The following PPP1R9A variants were observed in gnomAD, a reference collection of about 807,000 sequenced individuals.
PPP1R9A encodes the protein protein phosphatase 1 regulatory subunit 9A.
PPP1R9A carries 59 observed loss-of-function variants against 141.9 expected under a neutral mutation model. That is an observed-to-expected ratio of 0.42 (90% confidence interval 0.34 to 0.52). The LOEUF is 0.52. PPP1R9A is among the 20% of genes least tolerant of loss of function. The pLI, the probability that PPP1R9A is intolerant of heterozygous loss-of-function variation, is 0.10. For synonymous variants in PPP1R9A, 500 were observed against 569.7 expected (o/e 0.88, Z 1.74); for missense variants, 1,444 against 1,611.9 (o/e 0.90, Z 1.78).
intron 16 of PPP1R9A, among the ~76,000 whole-genome samples, chr7:95,276,265 A>G (rs976800125): frequency 3.3e-5 from 5 of 152,148 alleles, no homozygotes; most frequent in African/African-American, 1.2e-4. Context: ...AGGGTGTTTG[A>G]TGGAATTTTG....
intron 2 of PPP1R9A, among the ~76,000 whole-genome samples, chr7:95,061,125 T>C (rs1812171824): frequency 6.6e-6 from 1 of 152,116 alleles, no homozygotes; most frequent in Non-Finnish European, 1.5e-5. Context: ...TTTAAGAAAA[T>C]CATTTGTGTT....
chr7:94,910,395 A>T lies in PPP1R9A; in HGVS notation c.282A>T (p.Ser94=), dbSNP rs1270682151. Residue 94 remains serine (S), a synonymous_variant, in exon 2 of 20, where the codon TCA becomes TCT. Coordinates refer to ENST00000433360, the MANE Select transcript of PPP1R9A (RefSeq NM_001166160.2). This position sits in a 1 kb window ranked among gnomAD's most constrained non-coding sequence, Gnocchi z 4.5. ...IAKTRGKGGH[S]SPQRRMKPKE... The stretch of plus-strand genomic sequence containing the variant: ...AAACAAGGGGGAAAGGTGGACATTC[A>T]TCTCCTCAGAGAAGAATGAAGCCCA... 5.6e-6 allele frequency: 9 copies of T among 1,614,044 alleles called. No individual in the cohort carries two copies. The highest frequency in any genetic ancestry group is 7.6e-6 in the Non-Finnish European group (9 of 1,180,046).
At chr7:95,184,295 T>G (rs1053919658) in intron 5 of PPP1R9A, among the ~76,000 whole-genome samples, 2 of 152,200 alleles carry the variant, frequency 1.3e-5, no homozygotes, top group African/African-American at 4.8e-5. Flanking sequence ...ACGAGGGTAT[T>G]CCAATATTCA....
chr7:95,009,549 G>A (rs1804117205), intron 2 of PPP1R9A, among the ~76,000 whole-genome samples: 2 of 152,098 alleles, frequency 1.3e-5, no homozygotes, highest in Admixed American at 1.3e-4. Context: ...GTAATGAAAT[G>A]TAGAGGTCAG....
At chr7:95,094,002 C>A (rs1817685867) in intron 2 of PPP1R9A, among the ~76,000 whole-genome samples, 1 of 152,196 alleles carries the variant, frequency 6.6e-6, no homozygotes, top group Non-Finnish European at 1.5e-5. Flanking sequence ...GACTCTGCCT[C>A]ACTCCAAAGC....
intron 5 of PPP1R9A, among the ~76,000 whole-genome samples, chr7:95,192,139 A>T (rs1451142334): frequency 1.3e-5 from 2 of 151,982 alleles, no homozygotes; most frequent in Non-Finnish European, 2.9e-5. Flanking sequence ...CCTATGGTTG[A>T]CTCATAAAAA....
intron 2 of PPP1R9A, among the ~76,000 whole-genome samples, chr7:94,931,258 A>G (rs1011253870): frequency 1.6e-4 from 25 of 152,278 alleles, no homozygotes; most frequent in African/African-American, 5.8e-4. Context: ...ACGGCAGGTG[A>G]ACTTCAGATA....
chr7:94,943,977 A>C (rs935147119), intron 2 of PPP1R9A, among the ~76,000 whole-genome samples: 19 of 152,106 alleles, frequency 1.2e-4, no homozygotes, highest in Non-Finnish European at 2.9e-5. Flanking sequence ...ACCTCATGCT[A>C]TCTGTGTGAG....
chr7:94,943,424 G>A (rs1795552280), intron 2 of PPP1R9A, among the ~76,000 whole-genome samples: 1 of 152,162 alleles, frequency 6.6e-6, no homozygotes, highest in Non-Finnish European at 1.5e-5. Flanking sequence ...TGCCATTTAA[G>A]CTCTGTAGAA....
intron 2 of PPP1R9A, among the ~76,000 whole-genome samples, chr7:95,044,181 C>T (rs997755431): frequency 2.0e-5 from 3 of 152,178 alleles, no homozygotes; most frequent in South Asian, 4.1e-4. Context: ...AGTGGCTGTT[C>T]TAACTGCTCC....
At chr7:94,953,146 G>T (rs191274040) in intron 2 of PPP1R9A, among the ~76,000 whole-genome samples, 19 of 152,266 alleles carry the variant, frequency 1.2e-4, no homozygotes, top group African/African-American at 4.1e-4. Flanking sequence ...ATGGTGTAAG[G>T]AAGGGGTTCA....
intron 2 of PPP1R9A, among the ~76,000 whole-genome samples, chr7:94,947,932 T>G (rs1364022882): frequency 1.3e-5 from 2 of 152,184 alleles, no homozygotes; most frequent in African/African-American, 4.8e-5. Context: ...TCCTTTTGGC[T>G]GGGGTTTGGG....
In PPP1R9A at chr7:94,988,854, A is replaced by AT. The variant is rs544581059; in HGVS notation, c.1395+77356dup. 2.7e-3 allele frequency among the ~76,000 whole-genome samples: 402 copies of AT among 149,502 alleles called. 1 individual carries two copies. The highest frequency in any genetic ancestry group is 9.2e-3 in the African/African-American group (377 of 40,788). On this transcript the variant is annotated intron_variant, in intron 2 of 19. Coordinates refer to ENST00000433360, the MANE Select transcript of PPP1R9A (RefSeq NM_001166160.2). ...GCCTCCCACCCCATAATTTAGCCTG[A>AT]TTTTTTTTTTCAGTCCTTAGCTGTT...
chr7:95,049,453 G>C lies in PPP1R9A; in HGVS notation c.1396-61806G>C, dbSNP rs577166996. ...AAAGAGAGGCTCCATACATACCCTG[G>C]CTCCTTCCCAGCCTCTCCTACTGTT... On this transcript the variant is annotated intron_variant, in intron 2 of 19. Transcript: ENST00000433360. 3.8e-4 allele frequency among the ~76,000 whole-genome samples: 58 copies of C among 152,208 alleles called. 1 individual carries two copies. The highest frequency in any genetic ancestry group is 1.3e-3 in the African/African-American group (55 of 41,542).
chr7:95,263,685 C>T (rs923724344), intron 12 of PPP1R9A, among the ~76,000 whole-genome samples: 1 of 152,186 alleles, frequency 6.6e-6, no homozygotes, highest in South Asian at 2.1e-4. Flanking sequence ...GCTGAGATTA[C>T]AGGCATGGCA....
intron 2 of PPP1R9A, among the ~76,000 whole-genome samples, chr7:95,007,006 G>A (rs1803710407): frequency 6.6e-6 from 1 of 152,088 alleles, no homozygotes; most frequent in African/African-American, 2.4e-5. Context: ...AGGACTACAG[G>A]AGCACGCCAC....
chr7:95,106,637 A>G (rs1819552139), intron 2 of PPP1R9A, among the ~76,000 whole-genome samples: 1 of 152,208 alleles, frequency 6.6e-6, no homozygotes, highest in Non-Finnish European at 1.5e-5. Context: ...TTCTTTTGAA[A>G]TACATCTTTG....
At chr7:94,969,826 C>A (rs1418389766) in intron 2 of PPP1R9A, among the ~76,000 whole-genome samples, 3 of 152,172 alleles carry the variant, frequency 2.0e-5, no homozygotes, top group African/African-American at 7.2e-5. Flanking sequence ...TGCTGCCTTT[C>A]TTTTGGAGAT....
intron 12 of PPP1R9A, among the ~76,000 whole-genome samples, chr7:95,254,766 C>T (rs760448532): frequency 1.3e-5 from 2 of 152,156 alleles, no homozygotes; most frequent in Non-Finnish European, 2.9e-5. Flanking sequence ...TTCATGTGTA[C>T]TCATGCTCTT....
Sources: gnomAD v4.1 joint callset for allele counts (sites outside exome capture counted in the v4.1 genomes callset) on GRCh38, gnomAD v4.1.1 for gene constraint, Gnocchi (gnomAD v3.1) non-coding constraint, MANE v1.5 for transcripts, NCBI Gene and HGNC (gene_info 2026-07-23, HGNC 2026-07-21) for gene names.